FOXP1: variants seen among roughly 807,000 people sequenced by gnomAD.
The protein encoded by FOXP1 is forkhead box protein P1.
A neutral mutation model predicts 98.2 loss-of-function variants in FOXP1; 15 were observed. The ratio of observed to expected loss-of-function variants is 0.15; its 90% CI spans 0.10 to 0.24. The LOEUF is 0.24. FOXP1 is among the 10% of genes least tolerant of loss of function. FOXP1 has a pLI of 1.00. For missense variants in FOXP1, 633 were observed against 848.5 expected (o/e 0.75, Z 3.15); for synonymous variants, 371 against 314.5 (o/e 1.18, Z -1.90).
chr3:70,980,462 A>ATATC (rs1156376364), intron 14 of FOXP1, among the ~76,000 whole-genome samples: 2 of 152,152 alleles, frequency 1.3e-5, no homozygotes, highest in African/African-American at 4.8e-5. Context: ...ACCACCACTA[A>ATATC]TATCTGAGAT....
intron 6 of FOXP1, chr3:71,130,891 C>A: frequency 7.3e-7 from 1 of 1,378,880 alleles, no homozygotes; most frequent in South Asian, 1.7e-5. Context: ...CGCTCCAGGT[C>A]TGCAAGCAGC....
At position 71,208,747 on chromosome 3, in the gene FOXP1, T is replaced by C. The variant is rs1052251060; in HGVS notation, c.-11-10355A>G. 2.0e-4 allele frequency among the ~76,000 whole-genome samples: 31 copies of C among 152,080 alleles called. 1 individual carries two copies. Among genetic ancestry groups the C allele is most frequent in the African/African-American group, 9.7e-5 (4 of 41,398 alleles). Reference sequence around the variant, plus strand: ...CAGGTGGAATAATCAACAGATTTCATAGGTGACAGCAGGGGCAGGGCTAAC... The same window carrying C: ...CAGGTGGAATAATCAACAGATTTCACAGGTGACAGCAGGGGCAGGGCTAAC... On this transcript the variant is annotated intron_variant, in intron 5 of 20. Coordinates refer to ENST00000649528, the MANE Select transcript of FOXP1 (RefSeq NM_001349338.3).
chr3:71,196,785 C>T (rs1290497716), intron 6 of FOXP1, among the ~76,000 whole-genome samples: 1 of 152,216 alleles, frequency 6.6e-6, no homozygotes, highest in African/African-American at 2.4e-5. Context: ...AACTTAAATG[C>T]ACAAAGTTTA....
At chr3:70,966,264 C>A in intron 19 of FOXP1, 3 of 587,046 alleles carry the variant, frequency 5.1e-6, no homozygotes, top group Admixed American at 5.1e-5. Context: ...TAACTGGGGG[C>A]CAGGGGGGAC....
In FOXP1 at chr3:71,053,373, A is replaced by G. The variant is rs147666213; in HGVS notation, c.420+263T>C. Among the ~76,000 whole-genome samples the G allele has an allele frequency of 2.5e-4, 38 of 152,298 alleles. 1 individual carries two copies. Among genetic ancestry groups the G allele is most frequent in the African/African-American group, 8.4e-4 (35 of 41,560 alleles). On this transcript the variant is annotated intron_variant, in intron 8 of 20. Coordinates refer to ENST00000649528, the MANE Select transcript of FOXP1 (RefSeq NM_001349338.3). The stretch of plus-strand genomic sequence containing the variant: ...TGTAAACCTAAAAGATCTTACTGCT[A>G]CCAAGTCCAATTACAGCCCTGATCT...
rs1442593739 is a variant in FOXP1, at chr3:71,583,564, AACTC to A, written c.-447+3_-447+6del. The A allele has an allele frequency of 2.0e-5, 20 of 981,764 alleles. No individual in the cohort carries two copies. The highest frequency in any genetic ancestry group is 2.2e-5 in the Non-Finnish European group (18 of 829,188). 60.8% of individuals were successfully genotyped at this position (981,764 alleles called of 1,614,324 possible). A position where few individuals can be genotyped will look rare whatever the true frequency, so the allele number is the denominator to read the frequency against. On this transcript the variant is annotated splice_donor_5th_base_variant and intron_variant, in intron 1 of 20. Coordinates refer to ENST00000649528, the MANE Select transcript of FOXP1 (RefSeq NM_001349338.3). The stretch of plus-strand genomic sequence containing the variant: ...AGTGGAGCAGAAATGGAAAAATACA[AACTC>A]ACCCGCTGCAAATGGTCTCTCGGTG...
At chr3:71,433,536 T>C (rs1418189445) in intron 3 of FOXP1, among the ~76,000 whole-genome samples, 1 of 152,198 alleles carries the variant, frequency 6.6e-6, no homozygotes, top group Non-Finnish European at 1.5e-5. Flanking sequence ...CAGGGGAGAC[T>C]TTGAATAATC....
At chr3:71,048,449 T>G (rs1193607034) in intron 9 of FOXP1, among the ~76,000 whole-genome samples, 3 of 152,122 alleles carry the variant, frequency 2.0e-5, no homozygotes, top group East Asian at 1.9e-4. Context: ...AAACCATCAT[T>G]CTCATATTAG....
At chr3:71,369,739 C>T (rs534190291) in intron 3 of FOXP1, among the ~76,000 whole-genome samples, 12 of 152,228 alleles carry the variant, frequency 7.9e-5, no homozygotes, top group East Asian at 1.9e-4. Context: ...AGGAAGAACC[C>T]GCCACTATGT....
rs1272992842 is a variant in FOXP1 at position 71,039,195 on chromosome 3, C to T, written c.869+2133G>A. On this transcript the variant is annotated intron_variant, in intron 11 of 20. Transcript: ENST00000649528. ...CTTTTTTGCATGTACAATTGGAAAACTCAGCCTGCTTTTACATCCAGATTA... is the reference window on the plus strand; with the variant it reads ...CTTTTTTGCATGTACAATTGGAAAATTCAGCCTGCTTTTACATCCAGATTA... 3.3e-5 allele frequency among the ~76,000 whole-genome samples: 5 copies of T among 152,108 alleles called. No homozygotes were observed. The East Asian group carries it at 9.7e-4, about 29-fold the overall frequency.
intron 5 of FOXP1, among the ~76,000 whole-genome samples, chr3:71,272,334 C>T (rs75469658): frequency 0.01 from 1,550 of 152,276 alleles, 30 homozygotes; most frequent in African/African-American, 0.035. Context: ...CTCGGCATCC[C>T]GGGTGGGTCA....
intron 6 of FOXP1, among the ~76,000 whole-genome samples, chr3:71,192,578 T>C (rs1425933815): frequency 6.6e-6 from 1 of 152,270 alleles, no homozygotes; most frequent in African/African-American, 2.4e-5. Context: ...GCAATTTCAC[T>C]AACAAAAACT....
At chr3:71,498,147 C>T (rs1444451612) in intron 2 of FOXP1, among the ~76,000 whole-genome samples, 1 of 152,164 alleles carries the variant, frequency 6.6e-6, no homozygotes, top group African/African-American at 2.4e-5. Flanking sequence ...GGAATGCCAC[C>T]GGGGCCTGCC....
intron 3 of FOXP1, among the ~76,000 whole-genome samples, chr3:71,438,392 C>A (rs1040783014): frequency 6.6e-6 from 1 of 152,180 alleles, no homozygotes; most frequent in African/African-American, 2.4e-5. Flanking sequence ...ATTTCCACTT[C>A]TTTATCCACC....
intron 6 of FOXP1, among the ~76,000 whole-genome samples, chr3:71,115,219 G>A (rs1417842359): frequency 6.6e-6 from 1 of 151,724 alleles, no homozygotes; most frequent in Admixed American, 6.6e-5. Context: ...CTAAAATAAA[G>A]CAAGCAAAGA....
chr3:71,265,820 C>T (rs2069586860), intron 5 of FOXP1, among the ~76,000 whole-genome samples: 1 of 152,136 alleles, frequency 6.6e-6, no homozygotes, highest in Non-Finnish European at 1.5e-5. Context: ...AAAGACAAAC[C>T]TCATTGGAAT....
At chr3:71,558,496 T>A (rs1334155131) in intron 2 of FOXP1, among the ~76,000 whole-genome samples, 1 of 151,712 alleles carries the variant, frequency 6.6e-6, no homozygotes, top group African/African-American at 2.4e-5. Flanking sequence ...TTTGTTTTTT[T>A]GGATTTTTTT....
intron 2 of FOXP1, among the ~76,000 whole-genome samples, chr3:71,537,557 G>A (rs1484486537): frequency 1.3e-5 from 2 of 152,232 alleles, no homozygotes; most frequent in African/African-American, 4.8e-5. Flanking sequence ...TGACCCAGAT[G>A]GGTCAGACAG....
At chr3:71,284,235 T>C (rs1025633433) in intron 5 of FOXP1, among the ~76,000 whole-genome samples, 22 of 152,036 alleles carry the variant, frequency 1.4e-4, no homozygotes, top group Non-Finnish European at 1.2e-4. Context: ...CTACTGATTT[T>C]CCCCCCTCTA....
Sources: gnomAD v4.1 joint callset for allele counts (sites outside exome capture counted in the v4.1 genomes callset) on GRCh38, gnomAD v4.1.1 for gene constraint, MANE v1.5 for transcripts, NCBI Gene and HGNC (gene_info 2026-07-23, HGNC 2026-07-21) for gene names.